Variants in RGS8 observed in about 807,000 individuals in gnomAD.
RGS8 encodes regulator of G-protein signaling 8.
A neutral mutation model predicts 21.7 loss-of-function variants in RGS8; 8 were observed. That is an observed-to-expected ratio of 0.37 (90% CI 0.22 to 0.66). RGS8 has a LOEUF of 0.66. Among genes scored for constraint, RGS8 ranks in the 30% least tolerant of loss-of-function variants. The probability of loss-of-function intolerance (pLI) is 0.59; values close to 1 mark genes in which losing one functional copy is unlikely to be tolerated. For synonymous variants in RGS8, 80 were observed against 83.6 expected (o/e 0.96, Z 0.24); for missense variants, 157 against 217.9 (o/e 0.72, Z 1.76).
At chr1:182,751,147 A>G in the RGS8 span, among the ~76,000 whole-genome samples, 2 of 152,236 alleles carry the variant, frequency 1.3e-5, no homozygotes, top group African/African-American at 4.8e-5. Context: ...TGAAGATAGA[A>G]CTAAACAGAA....
chr1:182,696,453 G>A, the RGS8 span, among the ~76,000 whole-genome samples: 1 of 152,116 alleles, frequency 6.6e-6, no homozygotes, highest in Non-Finnish European at 1.5e-5. Context: ...TGCCTCTTGG[G>A]TTCAAGTGAT....
At chr1:182,687,028 A>T (rs1488284591), upstream of RGS8, among the ~76,000 whole-genome samples, 1 of 152,254 alleles carries the variant, frequency 6.6e-6, no homozygotes, top group East Asian at 1.9e-4. Flanking sequence ...GAAAATGGCA[A>T]AAAGAATTTT....
At chr1:182,749,649 C>A in the RGS8 span, among the ~76,000 whole-genome samples, 1,543 of 152,228 alleles carry the variant, frequency 0.01, 27 homozygotes, top group African/African-American at 0.036. Flanking sequence ...TATTTTCAAA[C>A]AGATTGCATT....
chr1:182,734,848 C>A, the RGS8 span: 2 of 152,154 alleles, frequency 1.3e-5, no homozygotes, highest in Non-Finnish European at 2.9e-5. Context: ...TAAGGCGATG[C>A]TGATCATAGA....
chr1:182,697,591 A>T, the RGS8 span, among the ~76,000 whole-genome samples: 1 of 152,252 alleles, frequency 6.6e-6, no homozygotes, highest in African/African-American at 2.4e-5. Flanking sequence ...GGCAGACCAC[A>T]TAAGAAGAAC....
chr1:182,718,012 T>G, the RGS8 span, among the ~76,000 whole-genome samples: 169 of 152,340 alleles, frequency 1.1e-3, 3 homozygotes, highest in African/African-American at 3.8e-3. Context: ...GAAAGGACTA[T>G]GAAAACTGTT....
At chr1:182,691,635 A>C in the RGS8 span, among the ~76,000 whole-genome samples, 2 of 113,198 alleles carry the variant, frequency 1.8e-5, no homozygotes, top group Non-Finnish European at 3.8e-5. Context: ...AAAAAAAAAA[A>C]CCTCAACAAA....
intron 5 of RGS8, among the ~76,000 whole-genome samples, chr1:182,657,072 A>T (rs1412692483): frequency 1.3e-5 from 2 of 152,202 alleles, no homozygotes; most frequent in Non-Finnish European, 2.9e-5. Context: ...TTCTGTGGAC[A>T]GACCACTTGT....
upstream of RGS8, among the ~76,000 whole-genome samples, chr1:182,676,551 C>G (rs1056224883): frequency 1.3e-5 from 2 of 152,176 alleles, no homozygotes; most frequent in East Asian, 3.8e-4. Flanking sequence ...GCCCAAAATT[C>G]TACTTTAAAA....
the RGS8 span, among the ~76,000 whole-genome samples, chr1:182,721,159 A>G: frequency 6.6e-6 from 1 of 151,110 alleles, no homozygotes; most frequent in Non-Finnish European, 1.5e-5. Context: ...TCTGATAAAG[A>G]TCTTCTTCAC....
chr1:182,667,995 C>A (rs1285771229), intron 3 of RGS8, among the ~76,000 whole-genome samples: 2 of 152,122 alleles, frequency 1.3e-5, no homozygotes, highest in Non-Finnish European at 2.9e-5. Context: ...CTCTGCTAAC[C>A]TTTAATCGGA....
rs541449465 is a variant in RGS8 at position 182,667,973 on chromosome 1, C to T, written c.27-1000G>A. On this transcript the variant is annotated intron_variant, in intron 3 of 6. Transcript: ENST00000483095. ...CCGGGATTACAGGCCCAAGCCACCA[C>T]GCCCAGCTAGCCTCTGCTAACCTTT... 3.2e-4 allele frequency among the ~76,000 whole-genome samples: 48 copies of T among 152,300 alleles called. 1 individual carries two copies. In the East Asian group the frequency reaches 3.7e-3, roughly 12 times the overall value.
At chr1:182,679,648 A>G (rs1664477336) in intron 1 of RGS8, among the ~76,000 whole-genome samples, 1 of 152,150 alleles carries the variant, frequency 6.6e-6, no homozygotes. Flanking sequence ...CCCATCATGT[A>G]GACACCAATA....
At chr1:182,740,239 C>G in the RGS8 span, among the ~76,000 whole-genome samples, 2 of 152,230 alleles carry the variant, frequency 1.3e-5, no homozygotes, top group Admixed American at 6.5e-5. Context: ...GAAACATTGA[C>G]AAGCTATTAT....
chr1:182,704,333 A>C, the RGS8 span, among the ~76,000 whole-genome samples: 2 of 152,214 alleles, frequency 1.3e-5, no homozygotes, highest in African/African-American at 4.8e-5. Flanking sequence ...TTCATCACTG[A>C]AGAAGCAAAT....
At chr1:182,666,583 A>C (rs1386285378) in intron 4 of RGS8, among the ~76,000 whole-genome samples, 1 of 152,170 alleles carries the variant, frequency 6.6e-6, no homozygotes, top group African/African-American at 2.4e-5. Flanking sequence ...TCAGATTGAC[A>C]ACTAAGTAGA....
chr1:182,681,663 A>G (rs556050025), intron 1 of RGS8, among the ~76,000 whole-genome samples: 1 of 152,324 alleles, frequency 6.6e-6, no homozygotes, highest in African/African-American at 2.4e-5. Flanking sequence ...CAGAACTGGG[A>G]ACTGAGAGCA....
At chr1:182,651,534 A>AAT (rs1382818249) in intron 5 of RGS8, among the ~76,000 whole-genome samples, 3 of 152,190 alleles carry the variant, frequency 2.0e-5, no homozygotes, top group Non-Finnish European at 2.9e-5. Flanking sequence ...GTTTCCACTG[A>AAT]ATATATATAT....
At chr1:182,661,608 A>G (rs1296897477) in intron 5 of RGS8, among the ~76,000 whole-genome samples, 7 of 152,204 alleles carry the variant, frequency 4.6e-5, no homozygotes. Flanking sequence ...GCACCAACTC[A>G]GAGTTCAGGA....
Sources: gnomAD v4.1 joint callset for allele counts (sites outside exome capture counted in the v4.1 genomes callset) on GRCh38, gnomAD v4.1.1 for gene constraint, MANE v1.5 for transcripts, NCBI Gene and HGNC (gene_info 2026-07-23, HGNC 2026-07-21) for gene names.